The following LAMA3 variants were observed in gnomAD, a reference collection of about 807,000 sequenced individuals.
LAMA3 encodes laminin subunit alpha 3.
Under a neutral mutation model 402.0 loss-of-function variants are expected in LAMA3, and 281 were observed. The ratio of observed to expected loss-of-function variants is 0.70; its 90% CI spans 0.63 to 0.77. The LOEUF (loss-of-function observed/expected upper bound fraction) is 0.77. Ranked by LOEUF, LAMA3 falls within the 30% of genes least tolerant of loss-of-function variation. The probability of loss-of-function intolerance (pLI) is 0.00; values close to 1 mark genes in which losing one functional copy is unlikely to be tolerated. For missense variants in LAMA3, 3,840 were observed against 4,215.5 expected (o/e 0.91, Z 2.47); for synonymous variants, 1,431 against 1,558.4 (o/e 0.92, Z 1.93).
intron 67 of LAMA3, among the ~76,000 whole-genome samples, chr18:23,935,709 T>C (rs2082293340): frequency 6.6e-6 from 1 of 152,170 alleles, no homozygotes; most frequent in African/African-American, 2.4e-5. Context: ...TTAAATGAAG[T>C]AATAAACACA....
chr18:23,730,368 C>CTTTTTTTTT (rs11362144), intron 2 of LAMA3, among the ~76,000 whole-genome samples: 3 of 118,646 alleles, frequency 2.5e-5, no homozygotes, highest in Admixed American at 8.2e-5. Context: ...CTTTTTCTTT[C>CTTTTTTTTT]TTTTTTTTTT....
In LAMA3 at chr18:23,903,910, CTTTG is replaced by C. The variant is rs1195452689; in HGVS notation, c.6319-19_6319-16del. On this transcript the variant is annotated intron_variant, in intron 49 of 74. Coordinates refer to ENST00000313654, the MANE Select transcript of LAMA3 (RefSeq NM_198129.4). Reference sequence around the variant, plus strand: ...CATTCTTTCCTTGAATTTATACTGTCTTTGTTTATTTGGAAAAAATAGGAATATG... The same window carrying C: ...CATTCTTTCCTTGAATTTATACTGTCTTTATTTGGAAAAAATAGGAATATG... The C allele has an allele frequency of 4.4e-6, 7 of 1,587,022 alleles. No individual in the cohort carries two copies. Among genetic ancestry groups the C allele is most frequent in the African/African-American group, 1.3e-5 (1 of 74,286 alleles).
At chr18:23,812,965 T>G in intron 13 of LAMA3, 92 bp from the exon 14 acceptor site, 1 of 881,924 alleles carries the variant, frequency 1.1e-6, no homozygotes, top group South Asian at 1.4e-5. Flanking sequence ...AGATACACTA[T>G]TTTTGAAAAC....
intron 8 of LAMA3, among the ~76,000 whole-genome samples, chr18:23,765,389 C>T (rs2062054619): frequency 6.6e-6 from 1 of 152,286 alleles, no homozygotes; most frequent in Middle Eastern, 3.4e-3. Flanking sequence ...TGGATTTCAT[C>T]TGAGACTGAA....
At chr18:23,945,617 T>C (rs1238716265) in intron 69 of LAMA3, among the ~76,000 whole-genome samples, 1 of 152,090 alleles carries the variant, frequency 6.6e-6, no homozygotes, top group African/African-American at 2.4e-5. Flanking sequence ...CCGTAGTGAA[T>C]AGTCTCACCA....
intron 14 of LAMA3, among the ~76,000 whole-genome samples, chr18:23,813,621 G>T (rs1235759575): frequency 7.5e-6 from 1 of 132,574 alleles, no homozygotes; most frequent in Admixed American, 9.3e-5. Flanking sequence ...TCAGCTCACT[G>T]CAACCTCCGC....
intron 12 of LAMA3, among the ~76,000 whole-genome samples, chr18:23,801,425 A>G (rs1183519875): frequency 2.0e-5 from 3 of 152,072 alleles, no homozygotes; most frequent in Non-Finnish European, 4.4e-5. Context: ...ATAACTAACA[A>G]ACCTACACAT....
chr18:23,847,564 A>T lies in LAMA3; in HGVS notation c.4032A>T (p.Ser1344=). 1 of 1,614,108 alleles carries T rather than the reference A, an allele frequency of 6.2e-7. No homozygotes were observed. Among genetic ancestry groups the T allele is most frequent in the Non-Finnish European group, 8.5e-7 (1 of 1,180,038 alleles). ...RPQCEVCETH[S]FSFHPMAGCE... ...AGTGTGAGGTGTGTGAGACACACTC[A>T]TTCAGCTTCCACCCCATGGCCGGCT... Residue 1344 remains serine, a synonymous_variant, in exon 32 of 75, where the codon TCA becomes TCT. Coordinates refer to ENST00000313654, the MANE Select transcript of LAMA3 (RefSeq NM_198129.4).
intron 32 of LAMA3, among the ~76,000 whole-genome samples, chr18:23,855,060 C>T (rs900519671): frequency 2.6e-5 from 4 of 152,226 alleles, no homozygotes; most frequent in African/African-American, 4.8e-5. Flanking sequence ...CTCCTGTCTG[C>T]GTGACCTCAC....
At chr18:23,854,167 A>G (rs967341646) in intron 32 of LAMA3, among the ~76,000 whole-genome samples, 1 of 152,084 alleles carries the variant, frequency 6.6e-6, no homozygotes, top group Non-Finnish European at 1.5e-5. Flanking sequence ...TTGGTCCTAT[A>G]TTACTGACTG....
intron 41 of LAMA3, among the ~76,000 whole-genome samples, chr18:23,885,087 C>T (rs969363339): frequency 6.6e-6 from 1 of 152,032 alleles, no homozygotes; most frequent in African/African-American, 2.4e-5. Context: ...CATACACTCA[C>T]CCACAAGTAG....
At chr18:23,782,486 G>A (rs2062456010) in intron 11 of LAMA3, among the ~76,000 whole-genome samples, 1 of 152,146 alleles carries the variant, frequency 6.6e-6, no homozygotes, top group Admixed American at 6.5e-5. Flanking sequence ...CCAGGAGGCA[G>A]AGGTTATGGT....
At chr18:23,793,086 A>G (rs1226731333) in intron 12 of LAMA3, among the ~76,000 whole-genome samples, 2 of 152,150 alleles carry the variant, frequency 1.3e-5, no homozygotes, top group African/African-American at 4.8e-5. Flanking sequence ...GAGCACTTCC[A>G]CATTAAGGAA....
intron 67 of LAMA3, among the ~76,000 whole-genome samples, chr18:23,936,934 G>A (rs527785102): frequency 6.6e-5 from 10 of 152,298 alleles, no homozygotes; most frequent in South Asian, 2.1e-4. Context: ...TCAGTGTAAC[G>A]TCATTGAAAG....
chr18:23,754,305 T>C lies in LAMA3; in HGVS notation c.947+493T>C, dbSNP rs564803410. On this transcript the variant is annotated intron_variant, in intron 6 of 74. Coordinates refer to ENST00000313654, the MANE Select transcript of LAMA3 (RefSeq NM_198129.4). ...AACTCTTCGTTTTGCAAAATTGAAA[T>C]TCTATACCCGTTAAACAACTCCTTG... is the stretch of plus-strand genomic sequence containing the variant. 4.1e-4 allele frequency among the ~76,000 whole-genome samples: 62 copies of C among 152,340 alleles called. No homozygotes were observed. The South Asian group carries it at 0.013, about 31-fold the overall frequency.
At chr18:23,719,258 G>A (rs1490074601) in intron 2 of LAMA3, among the ~76,000 whole-genome samples, 4 of 152,100 alleles carry the variant, frequency 2.6e-5, no homozygotes, top group Non-Finnish European at 5.9e-5. Context: ...CACTCAGGAG[G>A]CAGAGGCACG....
At chr18:23,906,433 C>T (rs1262538727) in intron 52 of LAMA3, among the ~76,000 whole-genome samples, 2 of 152,112 alleles carry the variant, frequency 1.3e-5, no homozygotes, top group East Asian at 1.9e-4. Context: ...ATGTATTTTA[C>T]TTACTTATTT....
At chr18:23,778,697 C>G (rs1179367712) in intron 11 of LAMA3, among the ~76,000 whole-genome samples, 1 of 152,210 alleles carries the variant, frequency 6.6e-6, no homozygotes, top group African/African-American at 2.4e-5. Flanking sequence ...CTGAGTTTGC[C>G]TCTCCTACCC....
intron 3 of LAMA3, among the ~76,000 whole-genome samples, chr18:23,748,441 A>C (rs1247583205): frequency 6.6e-6 from 1 of 151,334 alleles, no homozygotes; most frequent in African/African-American, 2.4e-5. Context: ...AAAAAAGAAA[A>C]GAAAATTAAT....
Sources: gnomAD v4.1 joint callset for allele counts (sites outside exome capture counted in the v4.1 genomes callset) on GRCh38, gnomAD v4.1.1 for gene constraint, MANE v1.5 for transcripts, NCBI Gene and HGNC (gene_info 2026-07-23, HGNC 2026-07-21) for gene names.